The following CACNA1I variants were observed in gnomAD, a reference collection of about 807,000 sequenced individuals.
CACNA1I encodes voltage-dependent T-type calcium channel subunit alpha-1I.
Under a neutral mutation model 201.6 loss-of-function variants are expected in CACNA1I, and 74 were observed. The ratio of observed to expected loss-of-function variants is 0.37; its 90% CI spans 0.30 to 0.45. The LOEUF is 0.45. CACNA1I is among the 20% of genes least tolerant of loss of function. CACNA1I has a pLI of 1.00. For synonymous variants in CACNA1I, 1,431 were observed against 1,345.2 expected (o/e 1.06, Z -1.40); for missense variants, 2,346 against 3,138.1 (o/e 0.75, Z 6.03).
chr22:39,595,942 C>T (rs552555423), intron 1 of CACNA1I, among the ~76,000 whole-genome samples: 4 of 147,614 alleles, frequency 2.7e-5, no homozygotes, highest in South Asian at 2.2e-4. Flanking sequence ...GTGAAGAGGG[C>T]GTGCGGCAGC....
intron 1 of CACNA1I, among the ~76,000 whole-genome samples, chr22:39,589,217 A>C (rs1932794632): frequency 6.6e-6 from 1 of 152,008 alleles, no homozygotes; most frequent in African/African-American, 2.4e-5. Flanking sequence ...GTTGATGAAC[A>C]CCTAGGTTGT....
At position 39,629,661 on chromosome 22, in the gene CACNA1I, G is replaced by C. The variant is rs1177270261; in HGVS notation, c.581-4904G>C. On this transcript the variant is annotated intron_variant, in intron 4 of 36. Coordinates refer to ENST00000402142, the MANE Select transcript of CACNA1I (RefSeq NM_021096.4). The surrounding 1 kb of genome is among the most constrained non-coding windows in gnomAD (Gnocchi z 4.8). ...CTCAACAGTGAGGGCACAGAGCAGG[G>C]AACCACAGCTCTCCTGGGCCCCACA... Among the ~76,000 whole-genome samples the C allele has an allele frequency of 6.6e-6, 1 of 152,240 alleles. No homozygotes were observed. Among genetic ancestry groups the C allele is most frequent in the Admixed American group, 6.5e-5 (1 of 15,296 alleles).
At position 39,662,156 on chromosome 22, in the gene CACNA1I, C is replaced by T. The variant is rs768735369; in HGVS notation, c.3093C>T (p.Pro1031=). 1 of 1,531,208 alleles carries T rather than the reference C, an allele frequency of 6.5e-7. No homozygotes were observed. Among genetic ancestry groups the T allele is most frequent in the Admixed American group, 2.0e-5 (1 of 49,496 alleles). The allele number at this position is 1,531,208 out of a possible 1,614,324, so 94.9% of individuals were successfully genotyped here. The stretch of plus-strand genomic sequence containing the variant: ...ACGAGGGGCCGCCGCGGGCCGCACC[C>T]CTGCACACCCCACACGCCCACCACA... ...AADEGPPRAA[P]LHTPHAHHIH... is the part of the protein sequence containing the mutation. Residue 1031 remains proline, a synonymous_variant, in exon 17 of 37, where the codon CCC becomes CCT. Transcript: ENST00000402142.
intron 4 of CACNA1I, among the ~76,000 whole-genome samples, 173 bp downstream of exon 4, chr22:39,619,580 C>T (rs528484748): frequency 6.7e-6 from 1 of 148,794 alleles, no homozygotes; most frequent in African/African-American, 2.5e-5. Flanking sequence ...GACAGATGTG[C>T]CCTGCTCCCA....
chr22:39,671,465 T>C (rs4821910), intron 26 of CACNA1I, among the ~76,000 whole-genome samples: 79,914 of 151,874 alleles, frequency 0.53, 21,874 homozygotes, highest in East Asian at 0.96. Context: ...ACTACCTGGG[T>C]ATATGGAGAC....
intron 17 of CACNA1I, 23 bp from the exon 18 acceptor site, chr22:39,662,753 G>A (rs376877235): frequency 9.4e-5 from 143 of 1,521,430 alleles, no homozygotes; most frequent in Non-Finnish European, 1.2e-4. Context: ...CTGACCCCCG[G>A]CGCTCCGTCC....
rs1235977870 is a variant in CACNA1I, at chr22:39,620,150, TCCATCCACCCAC to T, written c.580+751_580+762del. ...ACCTGTCCATCCATCCACCCACCCA[TCCATCCACCCAC>T]CCATCCATCCATCCATCCACTCATC... is the stretch of plus-strand genomic sequence containing the variant. On this transcript the variant is annotated intron_variant, in intron 4 of 36. Transcript: ENST00000402142. Among the ~76,000 whole-genome samples the T allele has an allele frequency of 2.6e-4, 27 of 103,998 alleles. No homozygotes were observed. In the South Asian group the frequency reaches 3.2e-3, roughly 12 times the overall value. The allele number at this position is 103,998 out of a possible 152,430, so 68.2% of individuals were successfully genotyped here.
intron 24 of CACNA1I, 117 bp downstream of exon 24, chr22:39,668,498 C>A (rs1935264185): frequency 1.5e-6 from 1 of 673,324 alleles, no homozygotes. Context: ...CAGTGTCTCC[C>A]CACTGTCAGC....
At chr22:39,606,891 G>A (rs946072443) in intron 3 of CACNA1I, among the ~76,000 whole-genome samples, 5 of 152,216 alleles carry the variant, frequency 3.3e-5, no homozygotes, top group Non-Finnish European at 7.3e-5. Flanking sequence ...CCATTAGGAG[G>A]TCATGAACTA....
intron 3 of CACNA1I, among the ~76,000 whole-genome samples, chr22:39,609,379 A>G (rs984464851): frequency 1.3e-5 from 2 of 152,160 alleles, no homozygotes; most frequent in Non-Finnish European, 2.9e-5. Flanking sequence ...AACCCAACCA[A>G]CTGTGGCTCA....
At chr22:39,623,495 T>C (rs543968640) in intron 4 of CACNA1I, among the ~76,000 whole-genome samples, 1 of 149,836 alleles carries the variant, frequency 6.7e-6, no homozygotes, top group Admixed American at 6.6e-5. Flanking sequence ...CCTGGGAGGG[T>C]GTCTGTGTAT....
At chr22:39,652,804 C>T (rs1934687467) in intron 10 of CACNA1I, among the ~76,000 whole-genome samples, 1 of 152,170 alleles carries the variant, frequency 6.6e-6, no homozygotes, top group African/African-American at 2.4e-5. Flanking sequence ...TCTCAGGAGG[C>T]TGAGGTGGGA....
At chr22:39,608,135 AAAATAC>A in intron 3 of CACNA1I, among the ~76,000 whole-genome samples, 1 of 151,792 alleles carries the variant, frequency 6.6e-6, no homozygotes, top group Non-Finnish European at 1.5e-5. Context: ...AAAAAAAAAA[AAAATAC>A]AAATACAAAT....
intron 1 of CACNA1I, among the ~76,000 whole-genome samples, chr22:39,582,961 CAACA>C (rs1932607323): frequency 6.8e-6 from 1 of 146,510 alleles, no homozygotes; most frequent in African/African-American, 2.5e-5. Flanking sequence ...TCCATCCATC[CAACA>C]ATCCATCCAT....
chr22:39,668,718 CAG>C, intron 24 of CACNA1I, among the ~76,000 whole-genome samples: 1 of 152,212 alleles, frequency 6.6e-6, no homozygotes, highest in Non-Finnish European at 1.5e-5. Flanking sequence ...GGTAGAGGAA[CAG>C]AGTGTGAGAG....
intron 1 of CACNA1I, among the ~76,000 whole-genome samples, chr22:39,593,547 G>A (rs559465034): frequency 2.0e-5 from 3 of 152,344 alleles, no homozygotes; most frequent in Admixed American, 1.3e-4. Flanking sequence ...GGCAGAAGGC[G>A]TGTTTGGAGA....
At chr22:39,638,976 C>G (rs939559888) in intron 5 of CACNA1I, among the ~76,000 whole-genome samples, 4 of 152,228 alleles carry the variant, frequency 2.6e-5, no homozygotes, top group African/African-American at 7.2e-5. Flanking sequence ...GGCAGTAATG[C>G]TCCCTTGCTG....
In CACNA1I at chr22:39,664,727, C is replaced by T; in HGVS notation, c.3667-12C>T. ...CCGCGGCAGCCTGACCCCGGCCCCA[C>T]CCCCGCCCCAGGTAGTCTCGCTGGG... On this transcript the variant is annotated splice_polypyrimidine_tract_variant and intron_variant, in intron 20 of 36. Coordinates refer to ENST00000402142, the MANE Select transcript of CACNA1I (RefSeq NM_021096.4). The T allele has an allele frequency of 6.6e-7, 1 of 1,510,502 alleles. No homozygotes were observed. The highest frequency in any genetic ancestry group is 1.9e-5 in the Admixed American group (1 of 53,990). The allele number at this position is 1,510,502 out of a possible 1,614,324, so 93.6% of individuals were successfully genotyped here.
chr22:39,682,524 G>C lies in CACNA1I; in HGVS notation c.5693G>C (p.Arg1898Pro), dbSNP rs373676044. 5.0e-6 allele frequency: 8 copies of C among 1,613,784 alleles called. No homozygotes were observed. Among genetic ancestry groups the C allele is most frequent in the Non-Finnish European group, 6.8e-6 (8 of 1,179,842 alleles). Reference protein sequence around the residue: ...KGELDPPEPMRVGDLGECFFP... With the variant: ...KGELDPPEPMPVGDLGECFFP... ...GAGCTGGACCCACCTGAGCCCATGCGTGTGGGAGACCTGGGCGAATGCTTC... is the reference window on the plus strand; with the variant it reads ...GAGCTGGACCCACCTGAGCCCATGCCTGTGGGAGACCTGGGCGAATGCTTC... The change falls in exon 35 of 37, where the codon CGT becomes CCT. Residue 1898 changes from arginine to proline, a missense_variant. Coordinates refer to ENST00000402142, the MANE Select transcript of CACNA1I (RefSeq NM_021096.4).
Sources: allele counts gnomAD v4.1 joint callset (sites outside exome capture counted in the v4.1 genomes callset), GRCh38; gene constraint gnomAD v4.1.1; non-coding constraint Gnocchi (gnomAD v3.1); transcripts MANE v1.5; gene names NCBI Gene and HGNC (gene_info 2026-07-23, HGNC 2026-07-21).